CLSTN2: variants seen among roughly 807,000 people sequenced by gnomAD.
CLSTN2 encodes calsyntenin-2.
Under a neutral mutation model 101.2 loss-of-function variants are expected in CLSTN2, and 48 were observed. That is an observed-to-expected ratio of 0.47 (90% CI 0.38 to 0.60). The LOEUF is 0.60. Among genes scored for constraint, CLSTN2 ranks in the 20% least tolerant of loss-of-function variants. The pLI, the probability that CLSTN2 is intolerant of heterozygous loss-of-function variation, is 0.00. For missense variants in CLSTN2, 1,160 were observed against 1,238.2 expected (o/e 0.94, Z 0.95); for synonymous variants, 481 against 463.6 (o/e 1.04, Z -0.48).
chr3:140,088,980 G>A (rs1279419721), intron 1 of CLSTN2, among the ~76,000 whole-genome samples: 1 of 151,898 alleles, frequency 6.6e-6, no homozygotes, highest in African/African-American at 2.4e-5. Flanking sequence ...GGAAAAAAAT[G>A]CATGTAAAAA....
At chr3:140,060,011 G>A (rs1392155553) in intron 1 of CLSTN2, among the ~76,000 whole-genome samples, 1 of 152,120 alleles carries the variant, frequency 6.6e-6, no homozygotes, top group Non-Finnish European at 1.5e-5. Flanking sequence ...TTGATGAATT[G>A]CTTAATCTCT....
At chr3:140,558,149 G>A (rs1935837474) in intron 11 of CLSTN2, among the ~76,000 whole-genome samples, 1 of 152,146 alleles carries the variant, frequency 6.6e-6, no homozygotes, top group East Asian at 1.9e-4. Flanking sequence ...GGAGAAAGGA[G>A]GATGATTACA....
Position 140,396,442 on chromosome 3 carries a change from G to A in CLSTN2, c.233-7187G>A, listed in dbSNP as rs191698848. Among the ~76,000 whole-genome samples, 7 of 152,262 alleles carry A rather than the reference G, an allele frequency of 4.6e-5. No homozygotes were observed. In the East Asian group the frequency reaches 1.4e-3, roughly 29 times the overall value. ...CAGGAACAGGGAGTTTGCCTGAGGT[G>A]TGTGACTTTTCTTCAATATAATAAC... On this transcript the variant is annotated intron_variant, in intron 2 of 16. Transcript: ENST00000458420.
At chr3:140,260,494 G>GTCT in intron 2 of CLSTN2, among the ~76,000 whole-genome samples, 1 of 150,784 alleles carries the variant, frequency 6.6e-6, no homozygotes, top group Admixed American at 6.6e-5. Flanking sequence ...AAAGTTATAT[G>GTCT]GTTTTTATTT....
intron 2 of CLSTN2, among the ~76,000 whole-genome samples, chr3:140,271,755 A>T (rs1160468614): frequency 6.6e-6 from 1 of 152,226 alleles, no homozygotes; most frequent in African/African-American, 2.4e-5. Context: ...TAGCAAAAAG[A>T]CTATGTGTTC....
At chr3:140,109,125 GTCTT>G (rs1332507318) in intron 1 of CLSTN2, among the ~76,000 whole-genome samples, 3 of 152,172 alleles carry the variant, frequency 2.0e-5, no homozygotes, top group Non-Finnish European at 4.4e-5. Flanking sequence ...GGGCATGTGA[GTCTT>G]TATGGGGTCT....
chr3:140,098,108 CA>C (rs760543902), intron 1 of CLSTN2, among the ~76,000 whole-genome samples: 5 of 151,762 alleles, frequency 3.3e-5, no homozygotes, highest in Admixed American at 2.0e-4. Context: ...GAAGCAGAGA[CA>C]AAAAACAAAA....
chr3:140,198,117 A>T (rs2010668849), intron 2 of CLSTN2, among the ~76,000 whole-genome samples: 1 of 152,208 alleles, frequency 6.6e-6, no homozygotes, highest in Non-Finnish European at 1.5e-5. Flanking sequence ...CATATTCTGC[A>T]ATAGGAAAAA....
intron 2 of CLSTN2, among the ~76,000 whole-genome samples, chr3:140,207,605 T>C (rs1443701087): frequency 6.6e-6 from 1 of 152,218 alleles, no homozygotes; most frequent in East Asian, 1.9e-4. Flanking sequence ...CATGGTGGTT[T>C]TTAAAATAAT....
At chr3:139,961,799 TA>T (rs1170829500) in intron 1 of CLSTN2, among the ~76,000 whole-genome samples, 1 of 152,202 alleles carries the variant, frequency 6.6e-6, no homozygotes, top group East Asian at 1.9e-4. Flanking sequence ...ATTAAAAGAT[TA>T]AAAATGAATG....
intron 1 of CLSTN2, among the ~76,000 whole-genome samples, chr3:140,010,087 C>T (rs1442334954): frequency 6.6e-6 from 1 of 152,238 alleles, no homozygotes; most frequent in African/African-American, 2.4e-5. Context: ...GATTACTGAA[C>T]ACAAGGATCC....
At chr3:140,038,890 A>G (rs1167799421) in intron 1 of CLSTN2, among the ~76,000 whole-genome samples, 1 of 152,212 alleles carries the variant, frequency 6.6e-6, no homozygotes, top group Non-Finnish European at 1.5e-5. Context: ...GTGATCTGAT[A>G]TTGGCAATTT....
chr3:140,281,440 G>A (rs990438777), intron 2 of CLSTN2, among the ~76,000 whole-genome samples: 1 of 152,138 alleles, frequency 6.6e-6, no homozygotes, highest in African/African-American at 2.4e-5. Flanking sequence ...CTGGGAAAGT[G>A]TATCCAGATG....
At chr3:140,221,778 A>G (rs1263429679) in intron 2 of CLSTN2, among the ~76,000 whole-genome samples, 1 of 152,180 alleles carries the variant, frequency 6.6e-6, no homozygotes, top group Non-Finnish European at 1.5e-5. Context: ...CAAAACTACA[A>G]TGAGGTAGCA....
intron 1 of CLSTN2, among the ~76,000 whole-genome samples, chr3:140,088,979 T>C (rs2008723792): frequency 6.6e-6 from 1 of 152,030 alleles, no homozygotes; most frequent in Non-Finnish European, 1.5e-5. Context: ...TGGAAAAAAA[T>C]GCATGTAAAA....
intron 1 of CLSTN2, among the ~76,000 whole-genome samples, chr3:140,128,715 T>C (rs1466261104): frequency 6.6e-6 from 1 of 152,142 alleles, no homozygotes; most frequent in Non-Finnish European, 1.5e-5. Context: ...CTCTCTCCTC[T>C]TCCTTCCGTG....
At chr3:140,415,448 A>G (rs1247339394) in intron 4 of CLSTN2, among the ~76,000 whole-genome samples, 1 of 145,524 alleles carries the variant, frequency 6.9e-6, no homozygotes, top group East Asian at 2.1e-4. Flanking sequence ...CAATAAAGTT[A>G]TCCAAAATAT....
intron 1 of CLSTN2, among the ~76,000 whole-genome samples, chr3:139,957,503 T>C (rs189659881): frequency 6.6e-6 from 1 of 152,264 alleles, no homozygotes; most frequent in East Asian, 1.9e-4. Context: ...TTTTTTTTTT[T>C]TATCTGAGAA....
intron 1 of CLSTN2, among the ~76,000 whole-genome samples, chr3:140,051,776 T>G (rs1197691804): frequency 2.0e-5 from 3 of 152,138 alleles, no homozygotes; most frequent in Non-Finnish European, 4.4e-5. Flanking sequence ...TCTGGGATTG[T>G]TGTAAAATCC....
Sources: allele counts gnomAD v4.1 joint callset (sites outside exome capture counted in the v4.1 genomes callset), GRCh38; gene constraint gnomAD v4.1.1; transcripts MANE v1.5; gene names NCBI Gene and HGNC (gene_info 2026-07-23, HGNC 2026-07-21).